LPP: variants seen among roughly 807,000 people sequenced by gnomAD.
LPP encodes lipoma-preferred partner.
LPP carries 38 observed loss-of-function variants against 60.4 expected under a neutral mutation model. That is an observed-to-expected ratio of 0.63 (90% CI 0.49 to 0.83). LPP has a LOEUF of 0.83. Among genes scored for constraint, LPP ranks in the 40% least tolerant of loss-of-function variants. The pLI is 0.00. For synonymous variants in LPP, 328 were observed against 290.8 expected (o/e 1.13, Z -1.30); for missense variants, 902 against 783.6 (o/e 1.15, Z -1.80).
intron 1 of LPP, among the ~76,000 whole-genome samples, chr3:188,200,956 A>C (rs1443649040): frequency 6.6e-6 from 1 of 152,318 alleles, no homozygotes; most frequent in East Asian, 1.9e-4. Context: ...ATATAAACTT[A>C]ATATAATTAA....
At chr3:188,790,720 G>C in intron 9 of LPP, among the ~76,000 whole-genome samples, 1 of 151,888 alleles carries the variant, frequency 6.6e-6, no homozygotes, top group East Asian at 1.9e-4. Context: ...TACTCGGGAG[G>C]CTGAGGCAGG....
intron 6 of LPP, among the ~76,000 whole-genome samples, chr3:188,574,165 T>A (rs953986486): frequency 2.0e-5 from 3 of 152,150 alleles, no homozygotes; most frequent in Admixed American, 6.6e-5. Context: ...TCCTCTTCAG[T>A]GGCATCCAGA....
At chr3:188,184,847 A>G (rs918402358) in intron 1 of LPP, among the ~76,000 whole-genome samples, 1 of 152,086 alleles carries the variant, frequency 6.6e-6, no homozygotes, top group African/African-American at 2.4e-5. Context: ...GGCAGGGCCT[A>G]CCAGGAAGGG....
At chr3:188,424,203 T>G (rs879664247) in intron 4 of LPP, among the ~76,000 whole-genome samples, 1 of 152,206 alleles carries the variant, frequency 6.6e-6, no homozygotes, top group Admixed American at 6.5e-5. Context: ...CAGCATTTAT[T>G]AAATAGAGAA....
Position 188,887,127 on chromosome 3 carries a change from T to A in LPP, c.*12648T>A, listed in dbSNP as rs921607363. The A allele has an allele frequency of 4.4e-6, 1 of 228,746 alleles. No homozygotes were observed. The highest frequency in any genetic ancestry group is 8.7e-6 in the Non-Finnish European group (1 of 115,318). 14.2% of individuals were successfully genotyped at this position (228,746 alleles called of 1,614,324 possible). The stretch of plus-strand genomic sequence containing the variant: ...GCAGTAATCGTTACTATCTTGACTC[T>A]TTCCTTCATCACAAGAGAGTAAATA... On this transcript the variant is annotated 3_prime_UTR_variant, in exon 12 of 12. Coordinates refer to ENST00000617246, the MANE Select transcript of LPP (RefSeq NM_001375462.1).
chr3:188,242,240 A>G (rs892951000), intron 2 of LPP, among the ~76,000 whole-genome samples: 2 of 152,114 alleles, frequency 1.3e-5, no homozygotes, highest in African/African-American at 4.8e-5. Flanking sequence ...CTTGATTTCT[A>G]CTGGGTTTGT....
intron 2 of LPP, among the ~76,000 whole-genome samples, chr3:188,269,972 TTTTCTTTTCTTTTCTTTTCTTATCG>T (rs1239993546): frequency 1.6e-4 from 24 of 146,016 alleles, no homozygotes; most frequent in African/African-American, 5.3e-4. Context: ...AGTATCAGTT[TTTTCTTTTCTTTTCTTTTCTTATCG>T]TTTCTTTTCT....
intron 7 of LPP, among the ~76,000 whole-genome samples, chr3:188,672,727 G>A (rs1448958115): frequency 6.6e-6 from 1 of 152,088 alleles, no homozygotes; most frequent in African/African-American, 2.4e-5. Flanking sequence ...CCAATCGCTT[G>A]TTCTTTCCAT....
rs1729590578 is a variant in LPP at position 188,754,741 on chromosome 3, GAAACAAGTTGTCTATTATTA to G, written c.1241-5371_1241-5352del. The stretch of plus-strand genomic sequence containing the variant: ...CTGTCCTAGAGTATAAGCAGTTTAA[GAAACAAGTTGTCTATTATTA>G]CATGCATCAATACTACAGAGTCCAT... On this transcript the variant is annotated intron_variant, in intron 8 of 11. Coordinates refer to ENST00000617246, the MANE Select transcript of LPP (RefSeq NM_001375462.1). Among the ~76,000 whole-genome samples the G allele has an allele frequency of 2.0e-5, 3 of 151,976 alleles. No homozygotes were observed. The East Asian group carries it at 5.8e-4, about 29-fold the overall frequency.
intron 6 of LPP, chr3:188,568,899 A>G (rs1832846265): frequency 6.6e-6 from 1 of 151,882 alleles, no homozygotes; most frequent in African/African-American, 2.4e-5. Flanking sequence ...AAGGGTGGAG[A>G]GGGGGAACTT....
At chr3:188,345,584 C>T (rs938854705) in intron 3 of LPP, among the ~76,000 whole-genome samples, 2 of 152,150 alleles carry the variant, frequency 1.3e-5, no homozygotes, top group African/African-American at 4.8e-5. Flanking sequence ...TAGTTCAAGG[C>T]CTGCGATTCC....
chr3:188,223,529 G>T (rs1716604157), intron 1 of LPP, among the ~76,000 whole-genome samples: 1 of 152,098 alleles, frequency 6.6e-6, no homozygotes, highest in African/African-American at 2.4e-5. Flanking sequence ...TCTCTTTATG[G>T]AAAATAAGAA....
chr3:188,513,353 A>G (rs1341462934), intron 5 of LPP, among the ~76,000 whole-genome samples: 1 of 152,198 alleles, frequency 6.6e-6, no homozygotes, highest in Non-Finnish European at 1.5e-5. Context: ...GAATTGCTTC[A>G]GGAAATATTA....
At chr3:188,579,107 C>T (rs1835441772) in intron 6 of LPP, among the ~76,000 whole-genome samples, 1 of 152,034 alleles carries the variant, frequency 6.6e-6, no homozygotes, top group African/African-American at 2.4e-5. Flanking sequence ...CTGACTAATA[C>T]CAAAAAGGGA....
intron 2 of LPP, among the ~76,000 whole-genome samples, chr3:188,234,945 C>G (rs1382591918): frequency 6.6e-6 from 1 of 152,204 alleles, no homozygotes; most frequent in Non-Finnish European, 1.5e-5. Flanking sequence ...TCTTCCAACT[C>G]CAGACAAAAT....
intron 1 of LPP, chr3:188,212,553 C>G (rs1040516304): frequency 6.6e-6 from 1 of 152,162 alleles, no homozygotes; most frequent in African/African-American, 2.4e-5. Flanking sequence ...GTTTACCCAC[C>G]AGGCTGATCT....
chr3:188,529,248 T>C (rs1172837379), intron 6 of LPP, among the ~76,000 whole-genome samples: 1 of 152,168 alleles, frequency 6.6e-6, no homozygotes, highest in African/African-American at 2.4e-5. Flanking sequence ...GTAGACGGTG[T>C]TGTGTTATAA....
At chr3:188,260,922 C>A (rs553227420) in intron 2 of LPP, among the ~76,000 whole-genome samples, 2 of 152,086 alleles carry the variant, frequency 1.3e-5, no homozygotes, top group South Asian at 2.1e-4. Flanking sequence ...GTAGTCCCAG[C>A]TACTCAGGAG....
At chr3:188,835,001 G>A (rs1423752461) in intron 9 of LPP, among the ~76,000 whole-genome samples, 1 of 152,124 alleles carries the variant, frequency 6.6e-6, no homozygotes, top group Non-Finnish European at 1.5e-5. Flanking sequence ...AAGAGCTTGT[G>A]GCAGAAGTAA....
Sources: gnomAD v4.1 joint callset for allele counts (sites outside exome capture counted in the v4.1 genomes callset) on GRCh38, gnomAD v4.1.1 for gene constraint, MANE v1.5 for transcripts, NCBI Gene and HGNC (gene_info 2026-07-23, HGNC 2026-07-21) for gene names.